The following RNGTT variants were observed in gnomAD, a reference collection of about 807,000 sequenced individuals.
The protein encoded by RNGTT is mRNA-capping enzyme.
Under a neutral mutation model 79.3 loss-of-function variants are expected in RNGTT, and 33 were observed. The ratio of observed to expected loss-of-function variants is 0.42; its 90% CI spans 0.32 to 0.56. The LOEUF (loss-of-function observed/expected upper bound fraction) is 0.56, where lower values mean the gene tolerates loss of function less well. Ranked by LOEUF, RNGTT falls within the 20% of genes least tolerant of loss-of-function variation. The pLI is 0.17. For missense variants in RNGTT, 497 were observed against 739.1 expected (o/e 0.67, Z 3.80); for synonymous variants, 222 against 235.9 (o/e 0.94, Z 0.54).
intron 12 of RNGTT, among the ~76,000 whole-genome samples, chr6:88,776,712 G>A (rs1010838130): frequency 4.1e-5 from 6 of 146,956 alleles, no homozygotes; most frequent in African/African-American, 1.5e-4. Flanking sequence ...ATTTGTTTTT[G>A]TTTTGTTTTT....
intron 11 of RNGTT, among the ~76,000 whole-genome samples, chr6:88,843,233 T>C (rs1455342109): frequency 2.0e-5 from 3 of 151,688 alleles, no homozygotes; most frequent in Non-Finnish European, 4.4e-5. Context: ...TGGAAAGGAA[T>C]TTGGCAGTAG....
chr6:88,716,400 T>A (rs1299887480), intron 13 of RNGTT, among the ~76,000 whole-genome samples: 1 of 152,142 alleles, frequency 6.6e-6, no homozygotes, highest in East Asian at 1.9e-4. Flanking sequence ...ATTGTGGAAG[T>A]CAGTGTGGTG....
intron 13 of RNGTT, among the ~76,000 whole-genome samples, chr6:88,679,984 T>C (rs1447841368): frequency 2.0e-5 from 3 of 152,184 alleles, no homozygotes; most frequent in Admixed American, 2.0e-4. Context: ...CCTTTTAACA[T>C]AATAGAATTC....
intron 11 of RNGTT, among the ~76,000 whole-genome samples, chr6:88,834,515 AC>A (rs1272708529): frequency 6.6e-6 from 1 of 152,230 alleles, no homozygotes; most frequent in African/African-American, 2.4e-5. Context: ...ATGCAGTTGC[AC>A]CATTATATCT....
intron 4 of RNGTT, among the ~76,000 whole-genome samples, chr6:88,915,998 G>A (rs1329043466): frequency 3.3e-5 from 5 of 152,142 alleles, no homozygotes; most frequent in African/African-American, 9.7e-5. Context: ...GTAAGACCAC[G>A]AAGCACATAA....
At chr6:88,703,035 TA>T (rs1775998284) in intron 13 of RNGTT, among the ~76,000 whole-genome samples, 1 of 151,982 alleles carries the variant, frequency 6.6e-6, no homozygotes. Flanking sequence ...AACTATTATT[TA>T]AAAAGTCAAA....
intron 14 of RNGTT, 30 bp downstream of exon 14, chr6:88,678,323 G>A: frequency 6.3e-7 from 1 of 1,584,690 alleles, no homozygotes; most frequent in Non-Finnish European, 8.6e-7. Context: ...GAACATCCAG[G>A]AAAAGTACAC....
chr6:88,949,138 A>AAAAAT (rs1268929702), intron 1 of RNGTT, among the ~76,000 whole-genome samples: 1 of 141,686 alleles, frequency 7.1e-6, no homozygotes, highest in African/African-American at 2.6e-5. Flanking sequence ...AATAAAAATA[A>AAAAAT]AAAATAAAAT....
intron 13 of RNGTT, among the ~76,000 whole-genome samples, chr6:88,704,898 T>C (rs1438344903): frequency 2.0e-5 from 3 of 152,120 alleles, no homozygotes; most frequent in Non-Finnish European, 4.4e-5. Context: ...ACTTATAGGA[T>C]ATGTCAGACT....
chr6:88,811,297 A>C (rs1450302354), intron 11 of RNGTT, among the ~76,000 whole-genome samples: 1 of 152,222 alleles, frequency 6.6e-6, no homozygotes, highest in African/African-American at 2.4e-5. Context: ...ATTTTTAATA[A>C]AGCATGATAC....
At chr6:88,835,975 A>AACAC (rs72228554) in intron 11 of RNGTT, among the ~76,000 whole-genome samples, 12,255 of 113,444 alleles carry the variant, frequency 0.11, 730 homozygotes, top group Non-Finnish European at 0.13. Flanking sequence ...CTCTATTAAA[A>AACAC]ACACACACAC....
intron 13 of RNGTT, among the ~76,000 whole-genome samples, chr6:88,689,635 T>A (rs1325158988): frequency 6.6e-6 from 1 of 151,136 alleles, no homozygotes; most frequent in Non-Finnish European, 1.5e-5. Context: ...AATAAATTTA[T>A]GAGAAGAGAC....
intron 13 of RNGTT, among the ~76,000 whole-genome samples, chr6:88,689,748 C>A (rs1775413401): frequency 6.6e-6 from 1 of 150,698 alleles, no homozygotes; most frequent in Admixed American, 6.6e-5. Flanking sequence ...AATTTAAAAC[C>A]ACCACAGTAA....
chr6:88,689,875 CA>C (rs58459877), intron 13 of RNGTT, among the ~76,000 whole-genome samples: 11,483 of 133,126 alleles, frequency 0.086, 614 homozygotes, highest in Non-Finnish European at 0.12. Flanking sequence ...GTAACAATTA[CA>C]AAAAAAAAAA....
chr6:88,840,440 A>G (rs116671743), intron 11 of RNGTT, among the ~76,000 whole-genome samples: 2,917 of 152,332 alleles, frequency 0.019, 85 homozygotes, highest in African/African-American at 0.066. Flanking sequence ...TCCGCCACCC[A>G]GGCTGAAGTA....
chr6:88,750,344 C>T (rs1562233234), intron 13 of RNGTT, among the ~76,000 whole-genome samples: 1 of 152,002 alleles, frequency 6.6e-6, no homozygotes, highest in Non-Finnish European at 1.5e-5. Context: ...CCACATTAGT[C>T]CAGGCAATAT....
At chr6:88,888,339 T>C (rs1782936094) in intron 8 of RNGTT, among the ~76,000 whole-genome samples, 1 of 152,222 alleles carries the variant, frequency 6.6e-6, no homozygotes, top group African/African-American at 2.4e-5. Flanking sequence ...TTAAAATGTA[T>C]GTCTCAACAA....
intron 14 of RNGTT, among the ~76,000 whole-genome samples, chr6:88,662,743 T>C (rs1036579677): frequency 2.6e-5 from 4 of 152,230 alleles, no homozygotes; most frequent in East Asian, 3.8e-4. Context: ...GCGTAGGCAA[T>C]TGCCCTGGTC....
chr6:88,641,878 A>G (rs1773333883), intron 14 of RNGTT, among the ~76,000 whole-genome samples: 1 of 152,234 alleles, frequency 6.6e-6, no homozygotes, highest in African/African-American at 2.4e-5. Context: ...GTAGCATCAC[A>G]TTCAAATATT....
Sources: allele counts gnomAD v4.1 joint callset (sites outside exome capture counted in the v4.1 genomes callset), GRCh38; gene constraint gnomAD v4.1.1; transcripts MANE v1.5; gene names NCBI Gene and HGNC (gene_info 2026-07-23, HGNC 2026-07-21).